Variants in OR2M4 observed in about 807,000 individuals in gnomAD.
OR2M4 encodes the protein olfactory receptor family 2 subfamily M member 4.
OR2M4 carries 8 observed loss-of-function variants against 13.7 expected under a neutral mutation model. The ratio of observed to expected loss-of-function variants is 0.58; its 90% CI spans 0.34 to 1.05. OR2M4 has a LOEUF of 1.05. Ranked by LOEUF, OR2M4 falls within the 50% of genes least tolerant of loss-of-function variation. OR2M4 has a pLI of 0.02. For synonymous variants in OR2M4, 152 were observed against 141.3 expected (o/e 1.08, Z -0.53); for missense variants, 374 against 381.6 (o/e 0.98, Z 0.17).
In OR2M4 at chr1:248,243,684, A is replaced by C. The variant is rs1666639376; in HGVS notation, c.*3820A>C. ...TGGCTAATTTCCCAAAAACATTTGC[A>C]ACAAAAATTGACAAGCTAGACCTAA... On this transcript the variant is annotated 3_prime_UTR_variant, in exon 2 of 2. Coordinates refer to ENST00000641868, the MANE Select transcript of OR2M4 (RefSeq NM_017504.2). The C allele has an allele frequency of 2.0e-5, 3 of 152,340 alleles. No individual in the cohort carries two copies. The South Asian group carries it at 6.2e-4, about 32-fold the overall frequency. The allele number at this position is 152,340 out of a possible 1,614,324, so 9.4% of individuals were successfully genotyped here.
At position 248,241,531 on chromosome 1, in the gene OR2M4, T is replaced by A. The variant is rs1377684261; in HGVS notation, c.*1667T>A. ...TATAGTATAATCAAATGTTTTCTAA[T>A]TTAAAAATGTGCTAGCAAATTTTAA... On this transcript the variant is annotated 3_prime_UTR_variant, in exon 2 of 2. Transcript: ENST00000641868. 1 of 152,196 alleles carries A rather than the reference T, an allele frequency of 6.6e-6. No homozygotes were observed. Among genetic ancestry groups the A allele is most frequent in the Non-Finnish European group, 1.5e-5 (1 of 68,042 alleles). 9.4% of individuals were successfully genotyped at this position (152,196 alleles called of 1,614,324 possible). A position where few individuals can be genotyped will look rare whatever the true frequency, so the allele number is the denominator to read the frequency against.
chr1:248,239,109 T>C lies in OR2M4; in HGVS notation c.181T>C (p.Phe61Leu). 1 of 1,614,086 alleles carries C rather than the reference T, an allele frequency of 6.2e-7. No homozygotes were observed. Among genetic ancestry groups the C allele is most frequent in the Non-Finnish European group, 8.5e-7 (1 of 1,179,972 alleles). Residue 61 changes from phenylalanine to leucine, a missense_variant, in exon 2 of 2, where the codon TTC becomes CTC. Physicochemically the swap from Phe to Leu is conservative, Grantham distance 22. Coordinates refer to ENST00000641868, the MANE Select transcript of OR2M4 (RefSeq NM_017504.2). The stretch of plus-strand genomic sequence containing the variant: ...GAAACAGCTCCACACCCCCATGTAC[T>C]TCCTCCTCAGTCAACTGTCCCTTAT... Reference protein sequence around the residue: ...IEKQLHTPMYFLLSQLSLMDL... With the variant: ...IEKQLHTPMYLLLSQLSLMDL...
chr1:248,233,583 T>C (rs1248358802), intron 1 of OR2M4, among the ~76,000 whole-genome samples: 3 of 151,976 alleles, frequency 2.0e-5, no homozygotes, highest in Admixed American at 6.6e-5. Context: ...CTTCAGAAAA[T>C]AGTCAGTATC....
intron 1 of OR2M4, among the ~76,000 whole-genome samples, chr1:248,238,318 A>T (rs1328361388): frequency 2.0e-5 from 3 of 152,204 alleles, no homozygotes; most frequent in Admixed American, 2.0e-4. Flanking sequence ...ATAAGACAAG[A>T]CTTCACGACT....
rs947723376 is a variant in OR2M4, at chr1:248,231,506, A to G, written c.-94A>G. The G allele has an allele frequency of 2.0e-5, 3 of 152,220 alleles. No individual in the cohort carries two copies. Among genetic ancestry groups the G allele is most frequent in the Non-Finnish European group, 4.4e-5 (3 of 68,038 alleles). 9.4% of individuals were successfully genotyped at this position (152,220 alleles called of 1,614,324 possible). A position where few individuals can be genotyped will look rare whatever the true frequency, so the allele number is the denominator to read the frequency against. On this transcript the variant is annotated 5_prime_UTR_variant, in exon 1 of 2. Coordinates refer to ENST00000641868, the MANE Select transcript of OR2M4 (RefSeq NM_017504.2). The stretch of plus-strand genomic sequence containing the variant: ...AGAAGAAAAGGTTGTAATACAGCTC[A>G]GGCAGTGATTATTATATTCCAGAGT...
chr1:248,237,382 G>A (rs781781798), intron 1 of OR2M4, among the ~76,000 whole-genome samples: 1 of 152,084 alleles, frequency 6.6e-6, no homozygotes, highest in Non-Finnish European at 1.5e-5. Context: ...AGCCAGGCAC[G>A]GTGGCTCATG....
chr1:248,242,225 T>C lies in OR2M4; in HGVS notation c.*2361T>C, dbSNP rs995011172. 1 of 152,210 alleles carries C rather than the reference T, an allele frequency of 6.6e-6. No individual in the cohort carries two copies. Among genetic ancestry groups the C allele is most frequent in the Admixed American group, 6.5e-5 (1 of 15,278 alleles). 9.4% of individuals were successfully genotyped at this position (152,210 alleles called of 1,614,324 possible). Reference sequence around the variant, plus strand: ...AACAGTGAATTTAATGACATATCTTTGCCAGTCAGTGTTCACTGGTTGAGC... The same window carrying C: ...AACAGTGAATTTAATGACATATCTTCGCCAGTCAGTGTTCACTGGTTGAGC... On this transcript the variant is annotated 3_prime_UTR_variant, in exon 2 of 2. Coordinates refer to ENST00000641868, the MANE Select transcript of OR2M4 (RefSeq NM_017504.2).
rs1167492161 is a variant in OR2M4 at position 248,244,335 on chromosome 1, A to G, written c.*4471A>G. On this transcript the variant is annotated 3_prime_UTR_variant, in exon 2 of 2. Coordinates refer to ENST00000641868, the MANE Select transcript of OR2M4 (RefSeq NM_017504.2). ...TGGATAAAGAAAATGTAGCACATAA[A>G]CACCACAGAGTGCTACATAGCCATA... The G allele has an allele frequency of 1.3e-5, 2 of 152,200 alleles. No homozygotes were observed. Among genetic ancestry groups the G allele is most frequent in the Non-Finnish European group, 2.9e-5 (2 of 68,032 alleles). 9.4% of individuals were successfully genotyped at this position (152,200 alleles called of 1,614,324 possible).
At chr1:248,232,375 CT>C (rs1189418964) in intron 1 of OR2M4, among the ~76,000 whole-genome samples, 1 of 152,158 alleles carries the variant, frequency 6.6e-6, no homozygotes, top group Non-Finnish European at 1.5e-5. Context: ...TTTCCAAAGA[CT>C]TTGTGCCCAC....
At chr1:248,233,848 A>G (rs1666530617) in intron 1 of OR2M4, among the ~76,000 whole-genome samples, 1 of 151,976 alleles carries the variant, frequency 6.6e-6, no homozygotes, top group African/African-American at 2.4e-5. Flanking sequence ...GATGTTTTAG[A>G]GCCATGTTTG....
chr1:248,238,991 T>C lies in OR2M4; in HGVS notation c.63T>C (p.Ser21=), dbSNP rs769641315. The part of the protein sequence containing the change: ...IFILLGIFNH[S]PTHTFLFSLV... ...TCCTGCTGGGAATCTTCAATCACAG[T>C]CCCACCCACACCTTCCTTTTTTCTC... is the stretch of plus-strand genomic sequence containing the variant. The change falls in exon 2 of 2, where the codon AGT becomes AGC. Residue 21 remains serine, a synonymous_variant. Coordinates refer to ENST00000641868, the MANE Select transcript of OR2M4 (RefSeq NM_017504.2). 8.1e-6 allele frequency: 13 copies of C among 1,613,696 alleles called. No homozygotes were observed. The highest frequency in any genetic ancestry group is 1.0e-5 in the Non-Finnish European group (12 of 1,179,808).
chr1:248,239,558 A>G lies in OR2M4; in HGVS notation c.630A>G (p.Pro210=), dbSNP rs773352273. ...GTTGTGTGGTAATGCTAATCTTTCC[A>G]GTTTCAGTTATCATACTTTCCTATT... ...VICCVVMLIF[P]VSVIILSYSH... Residue 210 remains proline (P), a synonymous_variant, in exon 2 of 2, where the codon CCA becomes CCG. Transcript: ENST00000641868. 3.7e-6 allele frequency: 6 copies of G among 1,614,144 alleles called. No homozygotes were observed. The African/African-American group carries it at 4.0e-5, about 11-fold the overall frequency.
chr1:248,237,394 G>T (rs922426515), intron 1 of OR2M4, among the ~76,000 whole-genome samples: 1 of 151,950 alleles, frequency 6.6e-6, no homozygotes, highest in African/African-American at 2.4e-5. Flanking sequence ...TGGCTCATGC[G>T]TGTAATCCCA....
intron 1 of OR2M4, among the ~76,000 whole-genome samples, chr1:248,232,699 A>G (rs1166619565): frequency 2.0e-5 from 3 of 152,110 alleles, no homozygotes; most frequent in African/African-American, 7.2e-5. Flanking sequence ...TTCATGTGAC[A>G]TTGTAACGCA....
At chr1:248,233,980 C>G (rs1349009679) in intron 1 of OR2M4, among the ~76,000 whole-genome samples, 3 of 152,096 alleles carry the variant, frequency 2.0e-5, no homozygotes, top group African/African-American at 4.8e-5. Context: ...TACCCTGGCT[C>G]CCTTGGATAA....
At chr1:248,232,765 T>G (rs942906502) in intron 1 of OR2M4, among the ~76,000 whole-genome samples, 2 of 152,164 alleles carry the variant, frequency 1.3e-5, no homozygotes, top group African/African-American at 4.8e-5. Flanking sequence ...TTTATGTTGA[T>G]ACCTTCAAAA....
chr1:248,240,473 G>A lies in OR2M4; in HGVS notation c.*609G>A, dbSNP rs1422656444. On this transcript the variant is annotated 3_prime_UTR_variant, in exon 2 of 2. Coordinates refer to ENST00000641868, the MANE Select transcript of OR2M4 (RefSeq NM_017504.2). ...TGCTAATAAAATTAAATATTTTAAG[G>A]AGTCCACATAAAATATCTATTTGGG... The A allele has an allele frequency of 6.6e-6, 1 of 152,028 alleles. No homozygotes were observed. Among genetic ancestry groups the A allele is most frequent in the Non-Finnish European group, 1.5e-5 (1 of 68,016 alleles). The allele number at this position is 152,028 out of a possible 1,614,324, so 9.4% of individuals were successfully genotyped here.
At chr1:248,233,705 G>A (rs901751273) in intron 1 of OR2M4, among the ~76,000 whole-genome samples, 2 of 152,094 alleles carry the variant, frequency 1.3e-5, no homozygotes, top group African/African-American at 2.4e-5. Context: ...TTCAAGCTTT[G>A]AAATCTGGAA....
chr1:248,233,832 C>G (rs77148717), intron 1 of OR2M4, among the ~76,000 whole-genome samples: 14 of 151,404 alleles, frequency 9.2e-5, no homozygotes, highest in African/African-American at 3.4e-4. Flanking sequence ...TACTGTTTTA[C>G]AATATGATGT....
Sources: gnomAD v4.1 joint callset for allele counts (sites outside exome capture counted in the v4.1 genomes callset) on GRCh38, gnomAD v4.1.1 for gene constraint, MANE v1.5 for transcripts, NCBI Gene and HGNC (gene_info 2026-07-23, HGNC 2026-07-21) for gene names.